The following IGF2BP3 variants were observed in gnomAD, a reference collection of about 807,000 sequenced individuals.
IGF2BP3 encodes the protein insulin like growth factor 2 mRNA binding protein 3, also known as insulin-like growth factor 2 mRNA-binding protein 3.
IGF2BP3 carries 9 observed loss-of-function variants against 73.8 expected under a neutral mutation model. That is an observed-to-expected ratio of 0.12 (90% CI 0.07 to 0.21). The LOEUF is 0.21. IGF2BP3 is among the 10% of genes least tolerant of loss of function. IGF2BP3 has a pLI of 1.00. For missense variants in IGF2BP3, 542 were observed against 714.0 expected, an observed-to-expected ratio of 0.76 and a Z score of 2.75; for synonymous variants, 258 against 256.7, an observed-to-expected ratio of 1.01 and a Z score of -0.05.
intron 2 of IGF2BP3, among the ~76,000 whole-genome samples, chr7:23,426,139 C>T (rs925260596): frequency 3.3e-5 from 5 of 151,714 alleles, no homozygotes; most frequent in African/African-American, 1.2e-4. Context: ...CCAGCCTGGC[C>T]AACATCGTGA....
intron 10 of IGF2BP3, among the ~76,000 whole-genome samples, chr7:23,334,107 G>T (rs1317935890): frequency 6.6e-6 from 1 of 152,066 alleles, no homozygotes; most frequent in South Asian, 2.1e-4. Context: ...AGGCTGAGGC[G>T]GGCGGATCCC....
chr7:23,349,906 G>A (rs1784919245), intron 6 of IGF2BP3, among the ~76,000 whole-genome samples: 1 of 152,148 alleles, frequency 6.6e-6, no homozygotes, highest in Non-Finnish European at 1.5e-5. Flanking sequence ...GTGGATCAAG[G>A]GAAGCAAGAA....
At chr7:23,410,212 C>T (rs770371951) in intron 3 of IGF2BP3, among the ~76,000 whole-genome samples, 7 of 151,864 alleles carry the variant, frequency 4.6e-5, no homozygotes, top group African/African-American at 7.3e-5. Flanking sequence ...AAAAAAATAG[C>T]CAGGTGTGGT....
chr7:23,376,540 G>GA lies in IGF2BP3; in HGVS notation c.286-14800dup, dbSNP rs763360484. ...ACAGAGTAAGGCTCCATCTCCCAAA[G>GA]AAAAAAAAAAAAAAAAAAGAAAGAA... On this transcript the variant is annotated intron_variant, in intron 3 of 14. Coordinates refer to ENST00000258729, the MANE Select transcript of IGF2BP3 (RefSeq NM_006547.3). Among the ~76,000 whole-genome samples the GA allele has an allele frequency of 4.3e-3, 379 of 88,676 alleles. 1 individual carries two copies. The highest frequency in any genetic ancestry group is 8.8e-3 in the East Asian group (20 of 2,278). The allele number at this position is 88,676 out of a possible 152,430, so 58.2% of individuals were successfully genotyped here.
intron 3 of IGF2BP3, among the ~76,000 whole-genome samples, chr7:23,388,903 G>C (rs1786177883): frequency 1.3e-5 from 2 of 151,982 alleles, no homozygotes; most frequent in South Asian, 2.1e-4. Context: ...ATGTTCAACA[G>C]GTAAACAAGT....
chr7:23,318,647 A>G (rs1784055274), intron 11 of IGF2BP3, among the ~76,000 whole-genome samples: 2 of 152,244 alleles, frequency 1.3e-5, no homozygotes, highest in Admixed American at 1.3e-4. Flanking sequence ...CAAAATGTTT[A>G]GCTGACTGTG....
chr7:23,371,268 C>T (rs1583949974), intron 3 of IGF2BP3, among the ~76,000 whole-genome samples: 1 of 151,900 alleles, frequency 6.6e-6, no homozygotes, highest in East Asian at 1.9e-4. Context: ...ACAAGAGAGG[C>T]AAAAAGTCTC....
chr7:23,319,521 T>C (rs986499698), intron 10 of IGF2BP3, among the ~76,000 whole-genome samples: 1 of 152,174 alleles, frequency 6.6e-6, no homozygotes, highest in South Asian at 2.1e-4. Flanking sequence ...ATTTAAAAGA[T>C]ATGTAGATGT....
chr7:23,466,031 T>G (rs1788559500), intron 2 of IGF2BP3, among the ~76,000 whole-genome samples: 1 of 151,866 alleles, frequency 6.6e-6, no homozygotes, highest in African/African-American at 2.4e-5. Flanking sequence ...AAGGTTTTTT[T>G]TTTTTTTTGA....
intron 2 of IGF2BP3, among the ~76,000 whole-genome samples, chr7:23,445,188 CA>C (rs1562757409): frequency 6.6e-6 from 1 of 152,204 alleles, no homozygotes; most frequent in Admixed American, 6.5e-5. Flanking sequence ...ATAAACTGCA[CA>C]GTAGTTGCAT....
At chr7:23,462,317 T>G (rs1788467071) in intron 2 of IGF2BP3, among the ~76,000 whole-genome samples, 1 of 152,040 alleles carries the variant, frequency 6.6e-6, no homozygotes, top group South Asian at 2.1e-4. Context: ...TCTAAAGACT[T>G]AGGCTCCTTT....
intron 3 of IGF2BP3, among the ~76,000 whole-genome samples, chr7:23,387,542 T>C (rs77065095): frequency 0.15 from 22,694 of 152,010 alleles, 1,881 homozygotes; most frequent in African/African-American, 0.22. Flanking sequence ...CAAGTATTAA[T>C]GTTAATAACA....
chr7:23,348,618 G>C (rs1223986784), intron 6 of IGF2BP3, among the ~76,000 whole-genome samples: 1 of 152,118 alleles, frequency 6.6e-6, no homozygotes, highest in Non-Finnish European at 1.5e-5. Context: ...CAGATTCTTT[G>C]TTGTGGATGG....
chr7:23,347,787 C>A, intron 6 of IGF2BP3, 53 bp from the exon 7 acceptor site: 1 of 1,608,486 alleles, frequency 6.2e-7, no homozygotes, highest in Non-Finnish European at 8.5e-7. Context: ...CGTGTATTCA[C>A]AGTGGAGTCT....
intron 7 of IGF2BP3, among the ~76,000 whole-genome samples, chr7:23,346,686 G>A (rs1362761460): frequency 1.3e-5 from 2 of 151,278 alleles, no homozygotes; most frequent in African/African-American, 2.4e-5. Flanking sequence ...TCCGCCTCCC[G>A]GGTTCAAGCC....
intron 3 of IGF2BP3, among the ~76,000 whole-genome samples, chr7:23,392,212 G>A (rs529526640): frequency 6.6e-6 from 1 of 152,232 alleles, no homozygotes; most frequent in South Asian, 2.1e-4. Flanking sequence ...TGGCCAAAAT[G>A]AGGGCAGAAC....
At chr7:23,412,847 T>G (rs1787070044) in intron 3 of IGF2BP3, among the ~76,000 whole-genome samples, 1 of 90,630 alleles carries the variant, frequency 1.1e-5, no homozygotes, top group Non-Finnish European at 2.0e-5. Flanking sequence ...CTGGCCTTTT[T>G]TTTTTTTTTT....
At chr7:23,379,252 C>G (rs763713610) in intron 3 of IGF2BP3, among the ~76,000 whole-genome samples, 7 of 152,204 alleles carry the variant, frequency 4.6e-5, no homozygotes, top group Non-Finnish European at 7.3e-5. Flanking sequence ...CCCACACCCA[C>G]TGTTGCTCTG....
intron 11 of IGF2BP3, 35 bp downstream of exon 11, chr7:23,319,103 A>G: frequency 7.6e-7 from 1 of 1,309,186 alleles, no homozygotes; most frequent in Non-Finnish European, 1.1e-6. Context: ...TAACTTACTT[A>G]AAGAACCAGA....
Sources: allele counts gnomAD v4.1 joint callset (sites outside exome capture counted in the v4.1 genomes callset), GRCh38; gene constraint gnomAD v4.1.1; transcripts MANE v1.5; gene names NCBI Gene and HGNC (gene_info 2026-07-23, HGNC 2026-07-21).